Variants in MAGI2 observed in about 807,000 individuals in gnomAD.
The protein encoded by MAGI2 is membrane associated guanylate kinase, WW and PDZ domain containing 2.
Under a neutral mutation model 133.3 loss-of-function variants are expected in MAGI2, and 35 were observed. That is an observed-to-expected ratio of 0.26 (90% confidence interval 0.20 to 0.35). MAGI2 has a LOEUF of 0.35. Among genes scored for constraint, MAGI2 ranks in the 10% least tolerant of loss-of-function variants. MAGI2 has a pLI of 1.00. For missense variants in MAGI2, 1,636 were observed against 1,863.4 expected, an observed-to-expected ratio of 0.88 and a Z score of 2.25; for synonymous variants, 729 against 710.6, an observed-to-expected ratio of 1.03 and a Z score of -0.41.
intron 2 of MAGI2, among the ~76,000 whole-genome samples, chr7:78,695,021 C>A (rs561417937): frequency 3.3e-5 from 5 of 152,012 alleles, no homozygotes; most frequent in Non-Finnish European, 5.9e-5. Flanking sequence ...GTCAGGAGAT[C>A]GACATCATCC....
chr7:78,834,503 A>G (rs1347602461), intron 2 of MAGI2, among the ~76,000 whole-genome samples: 2 of 152,218 alleles, frequency 1.3e-5, no homozygotes, highest in Non-Finnish European at 2.9e-5. Context: ...TCCATGTCAT[A>G]GCATGTATCA....
chr7:78,460,837 G>A (rs1414644720), intron 6 of MAGI2, among the ~76,000 whole-genome samples: 1 of 152,082 alleles, frequency 6.6e-6, no homozygotes, highest in South Asian at 2.1e-4. Flanking sequence ...TGCCCTATAT[G>A]TAAGTCCTCA....
rs567921540 is a variant in MAGI2 at position 78,613,629 on chromosome 7, G to C, written c.538+13491C>G. On this transcript the variant is annotated intron_variant, in intron 3 of 21. Coordinates refer to ENST00000354212, the MANE Select transcript of MAGI2 (RefSeq NM_012301.4). ...TAGAAACAAAACACGTGAAAGCCTA[G>C]TAAAAAGAAAATCTTTTAAATTGTG... is the stretch of plus-strand genomic sequence containing the variant. Among the ~76,000 whole-genome samples, 4 of 152,198 alleles carry C rather than the reference G, an allele frequency of 2.6e-5. No individual in the cohort carries two copies. In the South Asian group the frequency reaches 8.3e-4, roughly 32 times the overall value.
At chr7:78,669,539 GA>G (rs1164233130) in intron 2 of MAGI2, among the ~76,000 whole-genome samples, 1 of 152,080 alleles carries the variant, frequency 6.6e-6, no homozygotes, top group Non-Finnish European at 1.5e-5. Context: ...CCAATCAATA[GA>G]AAAAGAGGGA....
At chr7:79,058,071 A>T (rs1813324192) in intron 1 of MAGI2, among the ~76,000 whole-genome samples, 1 of 152,054 alleles carries the variant, frequency 6.6e-6, no homozygotes, top group African/African-American at 2.4e-5. Context: ...TGAGAAAAAC[A>T]AATGATAGAA....
At chr7:79,022,420 A>C (rs1211962944) in intron 1 of MAGI2, among the ~76,000 whole-genome samples, 1 of 152,140 alleles carries the variant, frequency 6.6e-6, no homozygotes, top group African/African-American at 2.4e-5. Context: ...CATATAAAAT[A>C]GTTAGAAAGA....
intron 20 of MAGI2, among the ~76,000 whole-genome samples, chr7:78,084,254 G>T (rs1407102274): frequency 2.6e-5 from 4 of 152,108 alleles, no homozygotes; most frequent in Non-Finnish European, 5.9e-5. Flanking sequence ...GACGATTTTT[G>T]TGGCTAATGA....
chr7:78,449,202 G>T (rs2151479007), intron 6 of MAGI2, among the ~76,000 whole-genome samples: 1 of 152,096 alleles, frequency 6.6e-6, no homozygotes, highest in Admixed American at 6.6e-5. Context: ...CTGAGCACCA[G>T]CAGCTGTTGA....
intron 20 of MAGI2, among the ~76,000 whole-genome samples, chr7:78,110,585 C>T (rs1332159682): frequency 6.6e-6 from 1 of 152,180 alleles, no homozygotes; most frequent in Admixed American, 6.5e-5. Context: ...TATTACGGGA[C>T]CCAGCAGGGG....
At chr7:79,168,893 T>TATAG (rs1825223854) in intron 1 of MAGI2, among the ~76,000 whole-genome samples, 2 of 7,416 alleles carry the variant, frequency 2.7e-4, no homozygotes, top group East Asian at 6.1e-3. Flanking sequence ...AAGATAGATA[T>TATAG]ATATATATAT....
chr7:78,580,987 A>C (rs1802778491), intron 3 of MAGI2, among the ~76,000 whole-genome samples: 1 of 152,206 alleles, frequency 6.6e-6, no homozygotes, highest in Admixed American at 6.5e-5. Context: ...CCATATAAAT[A>C]ATTTAGTTCT....
At chr7:79,068,033 C>T (rs373128570) in intron 1 of MAGI2, among the ~76,000 whole-genome samples, 3 of 152,066 alleles carry the variant, frequency 2.0e-5, no homozygotes, top group Admixed American at 6.5e-5. Context: ...ATTTTCACAT[C>T]GATGTTCATC....
chr7:78,975,324 T>C (rs1027274178), intron 2 of MAGI2, among the ~76,000 whole-genome samples: 1 of 151,790 alleles, frequency 6.6e-6, no homozygotes, highest in African/African-American at 2.4e-5. Flanking sequence ...ATGTAAAGTA[T>C]GTTCTCAGAT....
At chr7:78,766,822 T>C (rs1450096218) in intron 2 of MAGI2, among the ~76,000 whole-genome samples, 5 of 152,134 alleles carry the variant, frequency 3.3e-5, no homozygotes, top group Non-Finnish European at 5.9e-5. Context: ...CAGGCTTGTG[T>C]GACAGAAAGC....
chr7:78,882,737 A>G (rs1795973339), intron 2 of MAGI2, among the ~76,000 whole-genome samples: 1 of 152,128 alleles, frequency 6.6e-6, no homozygotes, highest in Admixed American at 6.6e-5. Flanking sequence ...CATCAAATAA[A>G]CAGAATTAAA....
At chr7:78,119,402 T>C (rs1405434309) in intron 20 of MAGI2, among the ~76,000 whole-genome samples, 4 of 151,144 alleles carry the variant, frequency 2.6e-5, no homozygotes, top group African/African-American at 7.3e-5. Context: ...CTACTAAAAG[T>C]ACAAAAAAAT....
At chr7:79,317,848 TA>T (rs138838361) in intron 1 of MAGI2, among the ~76,000 whole-genome samples, 8,226 of 152,248 alleles carry the variant, frequency 0.054, 388 homozygotes, top group African/African-American at 0.13. Context: ...TTTGTTTACT[TA>T]ACTGGAATGT....
chr7:79,248,031 T>A (rs937713501), intron 1 of MAGI2, among the ~76,000 whole-genome samples: 2 of 151,874 alleles, frequency 1.3e-5, no homozygotes, highest in African/African-American at 4.8e-5. Context: ...AATAATAACA[T>A]TGAATGTAAA....
chr7:78,706,899 A>T (rs1818706011), intron 2 of MAGI2, among the ~76,000 whole-genome samples: 1 of 152,142 alleles, frequency 6.6e-6, no homozygotes, highest in Non-Finnish European at 1.5e-5. Context: ...CAACAGACTC[A>T]GGTCAACAGG....
Sources: gnomAD v4.1 joint callset for allele counts (sites outside exome capture counted in the v4.1 genomes callset) on GRCh38, gnomAD v4.1.1 for gene constraint, MANE v1.5 for transcripts, NCBI Gene and HGNC (gene_info 2026-07-23, HGNC 2026-07-21) for gene names.